Variants in EPHB1 observed in about 807,000 individuals in gnomAD.
EPHB1 encodes the protein ephrin type-B receptor 1.
A neutral mutation model predicts 94.4 loss-of-function variants in EPHB1; 30 were observed. The observed-to-expected ratio is 0.32, with a 90% CI of 0.24 to 0.43. EPHB1 has a LOEUF of 0.43. Ranked by LOEUF, EPHB1 falls within the 20% of genes least tolerant of loss-of-function variation. EPHB1 has a pLI of 1.00. For missense variants in EPHB1, 1,055 were observed against 1,308.3 expected (o/e 0.81, Z 2.99); for synonymous variants, 522 against 489.1 (o/e 1.07, Z -0.89).
intron 1 of EPHB1, among the ~76,000 whole-genome samples, chr3:134,844,494 G>T (rs2036833870): frequency 6.6e-6 from 1 of 152,196 alleles, no homozygotes; most frequent in Non-Finnish European, 1.5e-5. Context: ...TCATGCCATG[G>T]TCTCACCTGC....
At chr3:135,221,547 G>T (rs533874926) in intron 12 of EPHB1, among the ~76,000 whole-genome samples, 1 of 152,258 alleles carries the variant, frequency 6.6e-6, no homozygotes, top group Admixed American at 6.5e-5. Flanking sequence ...GAGCTCTAAT[G>T]ACAGACAATC....
At chr3:135,154,764 A>G (rs1031046707) in intron 6 of EPHB1, among the ~76,000 whole-genome samples, 1 of 152,218 alleles carries the variant, frequency 6.6e-6, no homozygotes, top group Admixed American at 6.5e-5. Context: ...CAAAAGGATG[A>G]GATAAAAATT....
chr3:134,999,272 T>A (rs867379016), intron 3 of EPHB1, among the ~76,000 whole-genome samples: 21 of 152,202 alleles, frequency 1.4e-4, no homozygotes, highest in Admixed American at 5.9e-4. Context: ...TTTTTTGAGT[T>A]ACTGTTGTTG....
chr3:134,928,778 T>G (rs1340362225), intron 2 of EPHB1, among the ~76,000 whole-genome samples: 2 of 152,074 alleles, frequency 1.3e-5, no homozygotes, highest in African/African-American at 4.8e-5. Context: ...GGTGAGAGCT[T>G]TGGATGGATA....
chr3:134,870,116 G>A (rs2037468038), intron 1 of EPHB1, among the ~76,000 whole-genome samples: 2 of 152,144 alleles, frequency 1.3e-5, no homozygotes, highest in Admixed American at 1.3e-4. Flanking sequence ...TGGCATAGAT[G>A]GGTTAATTGC....
At chr3:134,923,971 C>A (rs534317244) in intron 1 of EPHB1, among the ~76,000 whole-genome samples, 65 of 152,326 alleles carry the variant, frequency 4.3e-4, no homozygotes, top group African/African-American at 1.6e-3. Flanking sequence ...GATGCTGTGT[C>A]TGTTCCCTTG....
intron 1 of EPHB1, among the ~76,000 whole-genome samples, chr3:134,898,692 C>T (rs1410692751): frequency 6.6e-6 from 1 of 152,198 alleles, no homozygotes; most frequent in Admixed American, 6.5e-5. Flanking sequence ...GAGGAAACAA[C>T]TGCTGCTCAG....
At chr3:134,931,059 A>C (rs2038894906) in intron 2 of EPHB1, among the ~76,000 whole-genome samples, 1 of 152,242 alleles carries the variant, frequency 6.6e-6, no homozygotes, top group South Asian at 2.1e-4. Flanking sequence ...CATCTCCATC[A>C]CAGGCCCCTG....
intron 3 of EPHB1, among the ~76,000 whole-genome samples, chr3:135,065,910 C>T (rs75564169): frequency 0.087 from 13,219 of 152,238 alleles, 755 homozygotes; most frequent in African/African-American, 0.16. Flanking sequence ...CAAATTCTCT[C>T]AGCATTTGTT....
At chr3:135,099,267 C>G in intron 3 of EPHB1, among the ~76,000 whole-genome samples, 1 of 152,054 alleles carries the variant, frequency 6.6e-6, no homozygotes, top group East Asian at 1.9e-4. Flanking sequence ...CACCTATTAT[C>G]CATCTTCAGA....
chr3:135,126,883 A>T (rs887255792), intron 4 of EPHB1, among the ~76,000 whole-genome samples: 1 of 152,136 alleles, frequency 6.6e-6, no homozygotes, highest in Non-Finnish European at 1.5e-5. Context: ...CATAATTCTG[A>T]ATGAGAGGTC....
chr3:135,132,081 G>A (rs758365929), intron 4 of EPHB1, among the ~76,000 whole-genome samples: 7 of 152,088 alleles, frequency 4.6e-5, no homozygotes, highest in Admixed American at 6.5e-5. Context: ...GTTTTCTTAC[G>A]TCATGGGGCC....
At chr3:134,882,750 C>T (rs1202879395) in intron 1 of EPHB1, among the ~76,000 whole-genome samples, 30 of 43,686 alleles carry the variant, frequency 6.9e-4, no homozygotes, top group East Asian at 4.7e-3. Context: ...TTCTTTCTTC[C>T]TTTCTTCCTT....
At chr3:135,202,024 G>C (rs1942770298) in intron 12 of EPHB1, among the ~76,000 whole-genome samples, 1 of 152,152 alleles carries the variant, frequency 6.6e-6, no homozygotes, top group Non-Finnish European at 1.5e-5. Flanking sequence ...TGTCAGCAGA[G>C]AGCAGACCCC....
At chr3:134,896,251 C>T (rs2038085102) in intron 1 of EPHB1, among the ~76,000 whole-genome samples, 1 of 151,766 alleles carries the variant, frequency 6.6e-6, no homozygotes, top group African/African-American at 2.4e-5. Context: ...CATCTCAGAC[C>T]TGTTGAGCTG....
Position 134,964,186 on chromosome 3 carries a change from C to A in EPHB1, c.805+12134C>A, listed in dbSNP as rs747790285. On this transcript the variant is annotated intron_variant, in intron 3 of 15. Transcript: ENST00000398015. Reference sequence around the variant, plus strand: ...TGCATTAGGATGTATAAGAAAATATCCCAGCAGCATTGAGTAGAGGGACCT... The same window carrying A: ...TGCATTAGGATGTATAAGAAAATATACCAGCAGCATTGAGTAGAGGGACCT... 4.7e-4 allele frequency among the ~76,000 whole-genome samples: 71 copies of A among 152,118 alleles called. 1 individual carries two copies. The highest frequency in any genetic ancestry group is 7.6e-4 in the Non-Finnish European group (52 of 68,030).
intron 10 of EPHB1, among the ~76,000 whole-genome samples, chr3:135,188,009 G>A (rs1286072246): frequency 2.0e-5 from 3 of 151,990 alleles, no homozygotes; most frequent in Admixed American, 6.6e-5. Flanking sequence ...GACCAGCCTG[G>A]CCAACATGGA....
chr3:135,039,997 C>G (rs1559805775), intron 3 of EPHB1, among the ~76,000 whole-genome samples: 1 of 152,248 alleles, frequency 6.6e-6, no homozygotes, highest in African/African-American at 2.4e-5. Context: ...CAGCCACCAA[C>G]TGAATACATT....
At chr3:135,135,267 A>G (rs1559846028) in intron 5 of EPHB1, among the ~76,000 whole-genome samples, 2 of 151,482 alleles carry the variant, frequency 1.3e-5, no homozygotes. Context: ...TAAAACAAAT[A>G]TCAAGTTGAC....
Sources: allele counts gnomAD v4.1 joint callset (sites outside exome capture counted in the v4.1 genomes callset), GRCh38; gene constraint gnomAD v4.1.1; transcripts MANE v1.5; gene names NCBI Gene and HGNC (gene_info 2026-07-23, HGNC 2026-07-21).